The following DACH2 variants were observed in gnomAD, a reference collection of about 807,000 sequenced individuals.
The protein encoded by DACH2 is dachshund homolog 2.
DACH2 carries 17 observed loss-of-function variants against 35.8 expected under a neutral mutation model. That is an observed-to-expected ratio of 0.48 (90% CI 0.33 to 0.71). The LOEUF is 0.71. Among genes scored for constraint, DACH2 ranks in the 30% least tolerant of loss-of-function variants. DACH2 has a pLI of 0.02. For missense variants in DACH2, 469 were observed against 472.7 expected (o/e 0.99, Z 0.07); for synonymous variants, 195 against 177.3 (o/e 1.10, Z -0.79).
At chrX:86,423,118 C>T (rs192268738) in intron 2 of DACH2, among the ~76,000 whole-genome samples, 1 of 111,539 alleles carries the variant, frequency 9.0e-6, no homozygotes, top group East Asian at 2.8e-4. Context: ...GTAAACAGTG[C>T]TGCAACAAAC....
At position 86,153,420 on chromosome X, in the gene DACH2, A is replaced by C. The variant is rs150809971; in HGVS notation, c.488+4312A>C. ...ATATGGTTATTATGAGCGCTCAATG[A>C]GTTTGGCTTTGTAGTCACACTTGAT... is the stretch of plus-strand genomic sequence containing the variant. On this transcript the variant is annotated intron_variant, in intron 1 of 11. Coordinates refer to ENST00000373125, the MANE Select transcript of DACH2 (RefSeq NM_053281.3). Among the ~76,000 whole-genome samples, 582 of 111,314 alleles carry C rather than the reference A, an allele frequency of 5.2e-3. 13 individuals carry two copies. The highest frequency in any genetic ancestry group is 0.038 in the Admixed American group (400 of 10,407).
chrX:86,370,254 A>G (rs1328812898), intron 1 of DACH2, among the ~76,000 whole-genome samples: 2 of 111,961 alleles, frequency 1.8e-5, no homozygotes, highest in Non-Finnish European at 3.8e-5. Context: ...TTCTCCACAT[A>G]GGCAGTAAAC....
chrX:86,703,498 A>C (rs1350204482), intron 5 of DACH2, among the ~76,000 whole-genome samples: 1 of 111,514 alleles, frequency 9.0e-6, no homozygotes, highest in Non-Finnish European at 1.9e-5. Flanking sequence ...TTCACTAACA[A>C]TATGATTGTA....
At chrX:86,534,697 CTT>C (rs964669035) in intron 3 of DACH2, among the ~76,000 whole-genome samples, 29 of 111,114 alleles carry the variant, frequency 2.6e-4, no homozygotes, top group Non-Finnish European at 4.5e-4. Flanking sequence ...AGTGCTTTCT[CTT>C]TTTTAATTGT....
intron 1 of DACH2, among the ~76,000 whole-genome samples, chrX:86,326,512 CAT>C (rs368452832): frequency 0.24 from 24,172 of 102,547 alleles, 2,694 homozygotes; most frequent in Middle Eastern, 0.38. Context: ...CACACACACA[CAT>C]ATATATATAT....
chrX:86,512,869 C>T (rs760586868), intron 2 of DACH2: 1 of 325,191 alleles, frequency 3.1e-6, no homozygotes, highest in African/African-American at 2.7e-5. Context: ...CAAAGGCAAA[C>T]ACGGTAAAAC....
At chrX:86,640,369 A>C (rs753357189) in intron 3 of DACH2, among the ~76,000 whole-genome samples, 4 of 111,534 alleles carry the variant, frequency 3.6e-5, no homozygotes, top group African/African-American at 6.5e-5. Flanking sequence ...CTACAGACAC[A>C]AGGAGAGGCC....
chrX:86,436,045 A>T (rs1162047201), intron 2 of DACH2, among the ~76,000 whole-genome samples: 1 of 111,440 alleles, frequency 9.0e-6, no homozygotes, highest in Non-Finnish European at 1.9e-5. Flanking sequence ...TTTTAGTACA[A>T]ATATCTTCTG....
chrX:86,151,150 A>G (rs970875550), intron 1 of DACH2, among the ~76,000 whole-genome samples: 1 of 111,314 alleles, frequency 9.0e-6, no homozygotes, highest in Non-Finnish European at 1.9e-5. Flanking sequence ...AAAAAAAAAA[A>G]TCCAGAGGCA....
At chrX:86,341,098 A>G (rs1276487951) in intron 1 of DACH2, among the ~76,000 whole-genome samples, 1 of 112,364 alleles carries the variant, frequency 8.9e-6, no homozygotes, top group African/African-American at 3.2e-5. Context: ...GTTACATTAA[A>G]TAGCAGAATT....
chrX:86,521,671 C>A (rs894539726), intron 3 of DACH2, among the ~76,000 whole-genome samples: 1 of 111,567 alleles, frequency 9.0e-6, no homozygotes, highest in African/African-American at 3.3e-5. Flanking sequence ...GACATGAGCA[C>A]ATTTGTTAAA....
intron 1 of DACH2, among the ~76,000 whole-genome samples, chrX:86,314,834 G>A (rs763069727): frequency 6.3e-5 from 7 of 111,778 alleles, no homozygotes; most frequent in African/African-American, 1.6e-4. Flanking sequence ...GAGGTAAGAC[G>A]CTGCAGAAGA....
intron 1 of DACH2, among the ~76,000 whole-genome samples, chrX:86,328,978 T>C (rs775506806): frequency 8.6e-4 from 96 of 111,426 alleles, no homozygotes; most frequent in African/African-American, 3.1e-3. Flanking sequence ...AGAGTGTTGT[T>C]GAAAACTCCT....
intron 1 of DACH2, among the ~76,000 whole-genome samples, chrX:86,286,377 G>A (rs1260550147): frequency 6.3e-5 from 7 of 110,507 alleles, no homozygotes; most frequent in Admixed American, 9.7e-5. Flanking sequence ...TGATCCACCC[G>A]CCTCAGCCTC....
chrX:86,279,459 A>G (rs2033982396), intron 1 of DACH2, among the ~76,000 whole-genome samples: 1 of 112,031 alleles, frequency 8.9e-6, no homozygotes, highest in Non-Finnish European at 1.9e-5. Flanking sequence ...TAGAAGGAAA[A>G]CTAACAAACA....
intron 3 of DACH2, among the ~76,000 whole-genome samples, chrX:86,608,098 G>C (rs2039883855): frequency 9.1e-6 from 1 of 110,103 alleles, no homozygotes; most frequent in African/African-American, 3.3e-5. Flanking sequence ...ATAGTCCTTT[G>C]GGTATATACC....
At chrX:86,450,011 A>C (rs970524218) in intron 2 of DACH2, among the ~76,000 whole-genome samples, 4 of 111,394 alleles carry the variant, frequency 3.6e-5, no homozygotes, top group African/African-American at 1.3e-4. Flanking sequence ...TCATTAATGT[A>C]TTTTACTTTC....
chrX:86,679,333 C>G (rs2040853673), intron 4 of DACH2, among the ~76,000 whole-genome samples: 1 of 111,143 alleles, frequency 9.0e-6, no homozygotes, highest in Admixed American at 9.6e-5. Flanking sequence ...GTATGAATTA[C>G]CCCCACACAC....
chrX:86,437,752 A>G (rs1035575416), intron 2 of DACH2, among the ~76,000 whole-genome samples: 2 of 110,611 alleles, frequency 1.8e-5, no homozygotes, highest in Non-Finnish European at 3.8e-5. Flanking sequence ...GAGTGCAGAT[A>G]TTGCTTTGCT....
Sources: allele counts gnomAD v4.1 joint callset (sites outside exome capture counted in the v4.1 genomes callset), GRCh38; gene constraint gnomAD v4.1.1; transcripts MANE v1.5; gene names NCBI Gene and HGNC (gene_info 2026-07-23, HGNC 2026-07-21).